The following ELF1 variants were observed in gnomAD, a reference collection of about 807,000 sequenced individuals.
ELF1 encodes the protein E74 like ETS transcription factor 1.
A neutral mutation model predicts 59.9 loss-of-function variants in ELF1; 24 were observed. The observed-to-expected ratio is 0.40, with a 90% CI of 0.29 to 0.56. The LOEUF (loss-of-function observed/expected upper bound fraction) is 0.56. Ranked by LOEUF, ELF1 falls within the 20% of genes least tolerant of loss-of-function variation. The pLI, the probability that ELF1 is intolerant of heterozygous loss-of-function variation, is 0.44. For missense variants in ELF1, 627 were observed against 742.2 expected (o/e 0.84, Z 1.80); for synonymous variants, 248 against 266.2 (o/e 0.93, Z 0.67).
intron 1 of ELF1, among the ~76,000 whole-genome samples, chr13:41,010,233 G>T (rs1183468597): frequency 7.0e-6 from 1 of 143,386 alleles, no homozygotes; most frequent in Non-Finnish European, 1.5e-5. Context: ...TAGCCAGACC[G>T]CATACCCACC....
At chr13:41,058,567 T>C (rs1380896132) in intron 1 of ELF1, among the ~76,000 whole-genome samples, 1 of 152,242 alleles carries the variant, frequency 6.6e-6, no homozygotes, top group Non-Finnish European at 1.5e-5. Flanking sequence ...AACTACTTCC[T>C]TTGTGTTCAC....
chr13:41,026,070 G>C (rs1875886674), intron 1 of ELF1, among the ~76,000 whole-genome samples: 1 of 152,100 alleles, frequency 6.6e-6, no homozygotes, highest in Admixed American at 6.6e-5. Flanking sequence ...TAACATATTA[G>C]TCCATTATAT....
At chr13:41,013,196 T>C (rs1875176248) in intron 1 of ELF1, among the ~76,000 whole-genome samples, 1 of 152,144 alleles carries the variant, frequency 6.6e-6, no homozygotes, top group Non-Finnish European at 1.5e-5. Flanking sequence ...TATCTGATCC[T>C]AGGAAAGATA....
chr13:40,958,230 T>G (rs1311455597), intron 3 of ELF1, among the ~76,000 whole-genome samples: 1 of 152,212 alleles, frequency 6.6e-6, no homozygotes, highest in Non-Finnish European at 1.5e-5. Flanking sequence ...ATCTTACTAG[T>G]TCTGACTGAA....
chr13:41,005,119 C>T (rs1745267870), intron 1 of ELF1, among the ~76,000 whole-genome samples: 1 of 151,864 alleles, frequency 6.6e-6, no homozygotes, highest in Non-Finnish European at 1.5e-5. Context: ...ATAAATAGTC[C>T]AATAGTTTGT....
chr13:41,018,556 A>C (rs1018459958), intron 1 of ELF1, among the ~76,000 whole-genome samples: 1 of 152,186 alleles, frequency 6.6e-6, no homozygotes, highest in Admixed American at 6.5e-5. Flanking sequence ...GAATCATTCT[A>C]GTCTTTCTTC....
chr13:40,959,890 C>G (rs1265311579), intron 2 of ELF1, among the ~76,000 whole-genome samples: 2 of 152,138 alleles, frequency 1.3e-5, no homozygotes, highest in East Asian at 3.8e-4. Flanking sequence ...TAACAACCTA[C>G]TAAAAACTCA....
At chr13:40,946,077 T>A (rs530563718) in intron 5 of ELF1, among the ~76,000 whole-genome samples, 8 of 152,290 alleles carry the variant, frequency 5.3e-5, no homozygotes, top group African/African-American at 1.9e-4. Context: ...GACCTCAGGA[T>A]GTCTGCCCGC....
intron 2 of ELF1, among the ~76,000 whole-genome samples, chr13:40,976,901 G>C (rs886526202): frequency 2.0e-5 from 3 of 152,134 alleles, no homozygotes; most frequent in African/African-American, 7.2e-5. Context: ...TTACACCCTA[G>C]AGAGGAAAGT....
At position 41,051,838 on chromosome 13, in the gene ELF1, T is replaced by C. The variant is rs553496588; in HGVS notation, c.-229+9000A>G. On this transcript the variant is annotated intron_variant, in intron 1 of 1. Transcript: ENST00000405737. The stretch of plus-strand genomic sequence containing the variant: ...GTGCATTCAAAAATAAAAGATGTTT[T>C]AAAGTTTGCATACACACAAAATTTA... 2.6e-5 allele frequency among the ~76,000 whole-genome samples: 4 copies of C among 152,288 alleles called. No individual in the cohort carries two copies. In the South Asian group the frequency reaches 8.3e-4, roughly 32 times the overall value.
At chr13:40,950,087 T>C (rs7989303) in intron 4 of ELF1, 114 bp from the exon 5 acceptor site, 627,984 of 1,005,710 alleles carry the variant, frequency 0.62, 206,951 homozygotes, top group Non-Finnish European at 0.68. Context: ...AAATAAAATC[T>C]TGAAATCTAT....
At chr13:40,989,692 C>T (rs1873738894) in intron 1 of ELF1, among the ~76,000 whole-genome samples, 1 of 152,068 alleles carries the variant, frequency 6.6e-6, no homozygotes, top group Non-Finnish European at 1.5e-5. Flanking sequence ...ACTTTGAAAA[C>T]TCAAAGAAAG....
At chr13:41,050,707 C>T (rs1593414015) in intron 1 of ELF1, among the ~76,000 whole-genome samples, 2 of 152,284 alleles carry the variant, frequency 1.3e-5, no homozygotes, top group East Asian at 1.9e-4. Flanking sequence ...CCTGCCACCA[C>T]GCCCAGCTAA....
intron 1 of ELF1, among the ~76,000 whole-genome samples, chr13:41,035,957 T>C (rs1876362990): frequency 6.6e-6 from 1 of 151,286 alleles, no homozygotes; most frequent in Non-Finnish European, 1.5e-5. Flanking sequence ...TGAAGTACAG[T>C]GCAGTGGCGC....
Position 40,933,166 on chromosome 13 carries a change from G to C in ELF1, c.*259C>G, listed in dbSNP as rs1031701563. On this transcript the variant is annotated 3_prime_UTR_variant, in exon 9 of 9. Transcript: ENST00000239882. The stretch of plus-strand genomic sequence containing the variant: ...AAACTTTAAAAATGCTTATGATATA[G>C]CAACTGAAATAAAAATCTCAAAAGA... 2.5e-6 allele frequency: 1 copy of C among 397,952 alleles called. No individual in the cohort carries two copies. The highest frequency in any genetic ancestry group is 4.4e-6 in the Non-Finnish European group (1 of 226,400). 24.7% of individuals were successfully genotyped at this position (397,952 alleles called of 1,614,324 possible).
intron 1 of ELF1, among the ~76,000 whole-genome samples, chr13:41,043,082 G>A (rs893802097): frequency 6.6e-6 from 1 of 152,126 alleles, no homozygotes; most frequent in Admixed American, 6.5e-5. Flanking sequence ...TCATGTATCT[G>A]TTGGCTGCAA....
At chr13:40,940,628 C>A (rs1014889778) in intron 8 of ELF1, among the ~76,000 whole-genome samples, 4 of 152,080 alleles carry the variant, frequency 2.6e-5, no homozygotes, top group Admixed American at 6.5e-5. Context: ...AGATTTGAAA[C>A]CCTGGATTTT....
At chr13:41,045,049 C>A (rs1306806051) in intron 1 of ELF1, among the ~76,000 whole-genome samples, 2 of 152,100 alleles carry the variant, frequency 1.3e-5, no homozygotes, top group African/African-American at 2.4e-5. Flanking sequence ...AGGAATTTAT[C>A]CATTTCTTCT....
intron 1 of ELF1, among the ~76,000 whole-genome samples, chr13:41,028,438 G>C (rs976133354): frequency 6.6e-6 from 1 of 152,208 alleles, no homozygotes; most frequent in Non-Finnish European, 1.5e-5. Context: ...TGAAGCTTTG[G>C]GTCACCCCAC....
Sources: allele counts gnomAD v4.1 joint callset (sites outside exome capture counted in the v4.1 genomes callset), GRCh38; gene constraint gnomAD v4.1.1; transcripts MANE v1.5; gene names NCBI Gene and HGNC (gene_info 2026-07-23, HGNC 2026-07-21).